Variants in MAP4K4 observed in about 807,000 individuals in gnomAD.
MAP4K4 encodes HPK/GCK-like kinase HGK.
A neutral mutation model predicts 189.6 loss-of-function variants in MAP4K4; 38 were observed. That is an observed-to-expected ratio of 0.20 (90% CI 0.15 to 0.26). The LOEUF (loss-of-function observed/expected upper bound fraction) is 0.26, where lower values mean the gene tolerates loss of function less well. MAP4K4 is among the 10% of genes least tolerant of loss of function. MAP4K4 has a pLI of 1.00. For missense variants in MAP4K4, 1,054 were observed against 1,726.9 expected (o/e 0.61, Z 6.91); for synonymous variants, 610 against 624.3 (o/e 0.98, Z 0.34).
chr2:101,886,413 C>G (rs1414581978), intron 29 of MAP4K4, among the ~76,000 whole-genome samples: 1 of 144,744 alleles, frequency 6.9e-6, no homozygotes, highest in Non-Finnish European at 1.5e-5. Flanking sequence ...AATAGTGATA[C>G]AATTTTCAGT....
rs568980960 is a variant in MAP4K4 at position 101,870,658 on chromosome 2, A to G, written c.2760+243A>G. 6 of 475,918 alleles carry G rather than the reference A, an allele frequency of 1.3e-5. No individual in the cohort carries two copies. The Admixed American group carries it at 2.1e-4, about 17-fold the overall frequency. The allele number at this position is 475,918 out of a possible 1,614,324, so 29.5% of individuals were successfully genotyped here. ...GCATGTCTGCGGCAGCCCTCATTCA[A>G]GCACCGCGCTGAGTCTCACAGTCTA... is the stretch of plus-strand genomic sequence containing the variant. On this transcript the variant is annotated intron_variant, in intron 23 of 32. Transcript: ENST00000324219.
intron 2 of MAP4K4, among the ~76,000 whole-genome samples, chr2:101,753,690 A>G (rs1206773822): frequency 6.6e-6 from 1 of 151,776 alleles, no homozygotes; most frequent in African/African-American, 2.4e-5. Context: ...TTAGCCCAGC[A>G]AAAACCTTTC....
chr2:101,761,550 C>CTT (rs1006689878), intron 2 of MAP4K4, among the ~76,000 whole-genome samples: 20 of 127,014 alleles, frequency 1.6e-4, no homozygotes, highest in African/African-American at 2.9e-4. Flanking sequence ...TGGGAGCATT[C>CTT]TTTTTTTTTT....
At chr2:101,871,282 G>T (rs531445867) in intron 23 of MAP4K4, among the ~76,000 whole-genome samples, 2 of 152,198 alleles carry the variant, frequency 1.3e-5, no homozygotes, top group Non-Finnish European at 2.9e-5. Context: ...TGCTCGAGCC[G>T]TGCAGCCACC....
chr2:101,819,592 G>A (rs541294003), intron 3 of MAP4K4, among the ~76,000 whole-genome samples: 31 of 152,272 alleles, frequency 2.0e-4, no homozygotes, highest in Admixed American at 7.2e-4. Flanking sequence ...AGTAATTTGA[G>A]GGGAGAATAT....
intron 24 of MAP4K4, among the ~76,000 whole-genome samples, 182 bp from the exon 25 acceptor site, chr2:101,873,465 G>C (rs2098113490): frequency 6.6e-6 from 1 of 152,130 alleles, no homozygotes; most frequent in Admixed American, 6.5e-5. Flanking sequence ...AGGTAAAGCT[G>C]CCCTGAGGGG....
At chr2:101,879,316 C>T (rs2098312439) in intron 27 of MAP4K4, among the ~76,000 whole-genome samples, 2 of 141,730 alleles carry the variant, frequency 1.4e-5, no homozygotes, top group African/African-American at 5.3e-5. Context: ...GTGGTTTTCA[C>T]AATCATAAAT....
At chr2:101,891,075 A>T in intron 32 of MAP4K4, 91 bp from the exon 33 acceptor site, 1 of 976,702 alleles carries the variant, frequency 1.0e-6, no homozygotes, top group South Asian at 1.3e-5. Context: ...CTCGTACTTG[A>T]CAGTGTTGAG....
intron 22 of MAP4K4, 189 bp downstream of exon 22, chr2:101,869,986 C>A (rs2097933966): frequency 4.3e-6 from 3 of 690,994 alleles, no homozygotes; most frequent in Non-Finnish European, 7.0e-6. Context: ...TCAGTGCTTC[C>A]CCCAGCACCC....
intron 7 of MAP4K4, among the ~76,000 whole-genome samples, chr2:101,833,402 C>T (rs889378069): frequency 1.1e-4 from 16 of 152,072 alleles, no homozygotes; most frequent in Middle Eastern, 6.8e-3. Context: ...GGGTGGATCA[C>T]GAGGTCAAGA....
intron 10 of MAP4K4, among the ~76,000 whole-genome samples, chr2:101,841,361 C>T (rs988257700): frequency 3.3e-5 from 5 of 152,280 alleles, no homozygotes; most frequent in African/African-American, 1.2e-4. Context: ...ATTAAAATAG[C>T]TTTGATGGTC....
chr2:101,887,739 C>A lies in MAP4K4; in HGVS notation c.3772-39C>A, dbSNP rs1264291793. The A allele has an allele frequency of 3.2e-6, 5 of 1,552,448 alleles. No individual in the cohort carries two copies. In the African/African-American group the frequency reaches 4.1e-5, roughly 13 times the overall value. ...GCACTTGCACAGGGCTGGAAATAAC[C>A]ACAGACGTTCTTCCCTGTACTTTGT... is the stretch of plus-strand genomic sequence containing the variant. On this transcript the variant is annotated intron_variant, in intron 30 of 32. Coordinates refer to ENST00000324219, the Ensembl canonical transcript of MAP4K4.
intron 32 of MAP4K4, among the ~76,000 whole-genome samples, chr2:101,890,084 A>G (rs2150350462): frequency 6.6e-6 from 1 of 152,348 alleles, no homozygotes; most frequent in East Asian, 1.9e-4. Flanking sequence ...TCAGGCATTT[A>G]AATATTTTTA....
chr2:101,842,506 A>G, intron 10 of MAP4K4, 103 bp from the exon 11 acceptor site: 1 of 733,360 alleles, frequency 1.4e-6, no homozygotes, highest in Non-Finnish European at 2.2e-6. Flanking sequence ...TTTCACAGGG[A>G]ACTTGTTTAT....
chr2:101,835,251 A>G (rs552274951), intron 8 of MAP4K4, among the ~76,000 whole-genome samples: 3 of 152,354 alleles, frequency 2.0e-5, no homozygotes, highest in Admixed American at 6.5e-5. Flanking sequence ...GGGGAATAGT[A>G]TTGTCTGCCT....
chr2:101,809,953 C>T (rs1445428276), intron 3 of MAP4K4, among the ~76,000 whole-genome samples: 1 of 152,228 alleles, frequency 6.6e-6, no homozygotes, highest in African/African-American at 2.4e-5. Context: ...TTGACATGAA[C>T]ACATAAGTGA....
intron 2 of MAP4K4, among the ~76,000 whole-genome samples, chr2:101,761,501 C>T (rs1238418382): frequency 6.6e-6 from 1 of 150,562 alleles, no homozygotes; most frequent in African/African-American, 2.4e-5. Flanking sequence ...CTTCAGGATT[C>T]TCTCACTTTA....
At position 101,829,401 on chromosome 2, in the gene MAP4K4, A is replaced by G; in HGVS notation, c.418-103A>G. On this transcript the variant is annotated intron_variant, in intron 5 of 32. Coordinates refer to ENST00000324219, the Ensembl canonical transcript of MAP4K4. ...CGAAGTTAATGTTCATGAGCTCACA[A>G]ACACCTTTGGTCCACATGTGCACTT... 3 of 709,612 alleles carry G rather than the reference A, an allele frequency of 4.2e-6. No individual in the cohort carries two copies. The South Asian group carries it at 5.0e-5, about 12-fold the overall frequency. The allele number at this position is 709,612 out of a possible 1,614,324, so 44.0% of individuals were successfully genotyped here. A position where few individuals can be genotyped will look rare whatever the true frequency, so the allele number is the denominator to read the frequency against.
At chr2:101,842,202 A>C (rs540060406) in intron 10 of MAP4K4, among the ~76,000 whole-genome samples, 1 of 152,160 alleles carries the variant, frequency 6.6e-6, no homozygotes, top group East Asian at 1.9e-4. Context: ...TCACCAAGTA[A>C]ATTCTCTTGG....
Sources: allele counts gnomAD v4.1 joint callset (sites outside exome capture counted in the v4.1 genomes callset), GRCh38; gene constraint gnomAD v4.1.1; transcripts MANE v1.5; gene names NCBI Gene and HGNC (gene_info 2026-07-23, HGNC 2026-07-21).